Variants in OR1J2 observed in about 807,000 individuals in gnomAD.
OR1J2 encodes the protein olfactory receptor family 1 subfamily J member 2.
For synonymous variants in OR1J2, 142 were observed against 99.7 expected (o/e 1.42, Z -2.52); for missense variants, 304 against 246.1 (o/e 1.24, Z -1.57).
the OR1J2 span, among the ~76,000 whole-genome samples, chr9:122,478,927 A>C: frequency 1.3e-5 from 2 of 151,948 alleles, no homozygotes; most frequent in African/African-American, 4.8e-5. Flanking sequence ...ACGGAGTTTC[A>C]CCATGTTGGT....
At chr9:122,464,382 C>T in the OR1J2 span, among the ~76,000 whole-genome samples, 1 of 152,194 alleles carries the variant, frequency 6.6e-6, no homozygotes, top group South Asian at 2.1e-4. Context: ...CTGCAGGCTC[C>T]AAGCCTCTCA....
At chr9:122,498,062 T>G in the OR1J2 span, among the ~76,000 whole-genome samples, 2 of 59,506 alleles carry the variant, frequency 3.4e-5, no homozygotes, top group African/African-American at 1.7e-4. Context: ...TGATTTGGGT[T>G]TTTTTTTTTT....
the OR1J2 span, among the ~76,000 whole-genome samples, chr9:122,503,266 A>G: frequency 1.3e-5 from 2 of 152,248 alleles, no homozygotes; most frequent in Non-Finnish European, 2.9e-5. Context: ...CCCAGTGAAC[A>G]TGAATCATTG....
At position 122,511,221 on chromosome 9, in the gene OR1J2, C is replaced by T. The variant is rs776367160; in HGVS notation, c.420C>T (p.Leu140=). The T allele has an allele frequency of 4.0e-6, 3 of 751,410 alleles. No individual in the cohort carries two copies. The highest frequency in any genetic ancestry group is 7.4e-6 in the Non-Finnish European group (3 of 405,092). The allele number at this position is 751,410 out of a possible 1,614,324, so 46.5% of individuals were successfully genotyped here. The change falls in exon 1 of 1, where the codon CTC becomes CTT. Residue 140 remains leucine, a synonymous_variant. Coordinates refer to ENST00000335302, the MANE Select transcript of OR1J2 (RefSeq NM_054107.1). ...ACACTGTCATCATGAGGGAAGAGCTCTGTGTCTTCTTAGTGGCTGTATCTT... is the reference window on the plus strand; with the variant it reads ...ACACTGTCATCATGAGGGAAGAGCTTTGTGTCTTCTTAGTGGCTGTATCTT... ...LHYTVIMREE[L]CVFLVAVSWI... is the part of the protein sequence containing the mutation.
the OR1J2 span, among the ~76,000 whole-genome samples, chr9:122,456,934 C>G: frequency 6.6e-6 from 1 of 152,140 alleles, no homozygotes; most frequent in South Asian, 2.1e-4. Context: ...ATGTTCATTG[C>G]AGCACTACTC....
the OR1J2 span, chr9:122,477,647 A>G: frequency 6.2e-7 from 1 of 1,614,238 alleles, no homozygotes; most frequent in Non-Finnish European, 8.5e-7. Context: ...CATCCCTTGT[A>G]AAAGACGGCT....
the OR1J2 span, among the ~76,000 whole-genome samples, chr9:122,468,474 A>G: frequency 6.6e-6 from 1 of 152,240 alleles, no homozygotes; most frequent in Non-Finnish European, 1.5e-5. Flanking sequence ...TAAGTTTTTA[A>G]AAAGCTAAAG....
At chr9:122,575,434 T>C in the OR1J2 span, among the ~76,000 whole-genome samples, 2 of 152,180 alleles carry the variant, frequency 1.3e-5, no homozygotes, top group African/African-American at 4.8e-5. Context: ...TGACATATCA[T>C]GTCTTTCAAA....
the OR1J2 span, among the ~76,000 whole-genome samples, chr9:122,579,982 A>G: frequency 6.6e-6 from 1 of 152,150 alleles, no homozygotes; most frequent in African/African-American, 2.4e-5. Flanking sequence ...GTCGCCATTG[A>G]AACTATTGAA....
At chr9:122,521,019 T>G in the OR1J2 span, among the ~76,000 whole-genome samples, 1 of 152,348 alleles carries the variant, frequency 6.6e-6, no homozygotes, top group Admixed American at 6.5e-5. Context: ...GAAAGCTAGA[T>G]CTCATTTGTA....
At chr9:122,526,305 G>A in the OR1J2 span, 9 of 1,159,372 alleles carry the variant, frequency 7.8e-6, no homozygotes, top group East Asian at 1.2e-4. Flanking sequence ...AATGAAGCCC[G>A]TTTGTCTGAC....
At chr9:122,453,971 C>T in the OR1J2 span, among the ~76,000 whole-genome samples, 1 of 152,184 alleles carries the variant, frequency 6.6e-6, no homozygotes, top group East Asian at 1.9e-4. Flanking sequence ...GCATGATACA[C>T]ATAAGAACAA....
the OR1J2 span, chr9:122,526,467 T>C: frequency 6.4e-7 from 1 of 1,561,522 alleles, no homozygotes; most frequent in Non-Finnish European, 8.7e-7. Flanking sequence ...CACTATGGTG[T>C]ACATTGCAGC....
At chr9:122,533,321 G>A in the OR1J2 span, among the ~76,000 whole-genome samples, 9 of 152,226 alleles carry the variant, frequency 5.9e-5, no homozygotes, top group African/African-American at 2.2e-4. Context: ...AAAAGGCCAT[G>A]CTGTAACAGG....
the OR1J2 span, among the ~76,000 whole-genome samples, chr9:122,478,398 C>A: frequency 2.0e-5 from 3 of 152,326 alleles, no homozygotes; most frequent in Middle Eastern, 3.4e-3. Flanking sequence ...AATTATTTGA[C>A]ATTGGAAATC....
chr9:122,556,635 G>GT, the OR1J2 span, among the ~76,000 whole-genome samples: 56 of 152,004 alleles, frequency 3.7e-4, no homozygotes, highest in South Asian at 0.011. Context: ...GTATACCTAT[G>GT]TAACAAACCT....
At chr9:122,519,275 C>T in the OR1J2 span, 1 of 1,613,972 alleles carries the variant, frequency 6.2e-7, no homozygotes, top group African/African-American at 1.3e-5. Flanking sequence ...ACCTGCTCAT[C>T]ATCCTGCTCA....
the OR1J2 span, among the ~76,000 whole-genome samples, chr9:122,535,563 GAGT>G: frequency 1.3e-5 from 2 of 152,170 alleles, no homozygotes; most frequent in African/African-American, 4.8e-5. Context: ...AAGGGATAGT[GAGT>G]GAGGTTGGAG....
chr9:122,541,831 C>T, the OR1J2 span, among the ~76,000 whole-genome samples: 3 of 152,136 alleles, frequency 2.0e-5, no homozygotes, highest in African/African-American at 7.2e-5. Flanking sequence ...CATCAGTTTC[C>T]ACAAATGTTA....
Sources: allele counts gnomAD v4.1 joint callset (sites outside exome capture counted in the v4.1 genomes callset), GRCh38; gene constraint gnomAD v4.1.1; transcripts MANE v1.5; gene names NCBI Gene and HGNC (gene_info 2026-07-23, HGNC 2026-07-21).